NDUFA9: variants seen among roughly 807,000 people sequenced by gnomAD.
NDUFA9 encodes the protein NADH dehydrogenase [ubiquinone] 1 alpha subcomplex subunit 9, mitochondrial.
A neutral mutation model predicts 45.9 loss-of-function variants in NDUFA9; 23 were observed. That is an observed-to-expected ratio of 0.50 (90% CI 0.36 to 0.71). The LOEUF (loss-of-function observed/expected upper bound fraction) is 0.71. Among genes scored for constraint, NDUFA9 ranks in the 30% least tolerant of loss-of-function variants. The pLI is 0.00. For missense variants in NDUFA9, 466 were observed against 488.2 expected, an observed-to-expected ratio of 0.95 and a Z score of 0.43; for synonymous variants, 176 against 170.5, an observed-to-expected ratio of 1.03 and a Z score of -0.25.
rs184968750 is a variant in NDUFA9, at chr12:4,691,041, C to A, written c.*3933C>A. On this transcript the variant is annotated 3_prime_UTR_variant, in exon 11 of 11. Coordinates refer to ENST00000266544, the MANE Select transcript of NDUFA9 (RefSeq NM_005002.5). ...TTTAACCTTTACCTTGGAGGTGATG[C>A]AGAGCAGTTGAGTTCCATACAGATT... The A allele has an allele frequency of 6.6e-6, 1 of 152,294 alleles. No individual in the cohort carries two copies. The highest frequency in any genetic ancestry group is 1.9e-4 in the East Asian group (1 of 5,162). 9.4% of individuals were successfully genotyped at this position (152,294 alleles called of 1,614,324 possible).
intron 3 of NDUFA9, chr12:4,655,669 T>C (rs1028189835): frequency 4.6e-5 from 7 of 152,250 alleles, no homozygotes; most frequent in African/African-American, 1.7e-4. Context: ...CTTGGTTGTT[T>C]AGTATAGATT....
chr12:4,651,737 T>C (rs553522485), intron 1 of NDUFA9, among the ~76,000 whole-genome samples: 3 of 152,242 alleles, frequency 2.0e-5, no homozygotes, highest in Non-Finnish European at 4.4e-5. Flanking sequence ...TTATCCTATG[T>C]CCTCATTTCC....
intron 8 of NDUFA9, among the ~76,000 whole-genome samples, chr12:4,675,823 A>G (rs914387066): frequency 3.3e-5 from 5 of 152,252 alleles, no homozygotes; most frequent in Non-Finnish European, 7.3e-5. Flanking sequence ...GGCCAGCATC[A>G]TCCTAATACC....
chr12:4,666,338 T>A (rs976273333), intron 6 of NDUFA9, among the ~76,000 whole-genome samples: 2 of 152,236 alleles, frequency 1.3e-5, no homozygotes, highest in African/African-American at 4.8e-5. Flanking sequence ...TTTTAGTTTG[T>A]CTCTTCACTC....
intron 3 of NDUFA9, chr12:4,655,208 G>T (rs1168322715): frequency 4.5e-5 from 14 of 314,518 alleles, no homozygotes; most frequent in Non-Finnish European, 5.9e-6. Context: ...CTTGTAACTG[G>T]AAGTAGCCAT....
rs1302849148 is a variant in NDUFA9, at chr12:4,658,962, C to A, written c.411-74C>A. The A allele has an allele frequency of 7.8e-6, 11 of 1,417,908 alleles. No individual in the cohort carries two copies. The Admixed American group carries it at 2.0e-4, about 25-fold the overall frequency. 87.8% of individuals were successfully genotyped at this position (1,417,908 alleles called of 1,614,324 possible). A position where few individuals can be genotyped will look rare whatever the true frequency, so the allele number is the denominator to read the frequency against. ...GTGAATTTCAGTACTGTTATGAAAACCATCTTATCACGTAAAGCTTTGAGA... is the reference window on the plus strand; with the variant it reads ...GTGAATTTCAGTACTGTTATGAAAAACATCTTATCACGTAAAGCTTTGAGA... On this transcript the variant is annotated intron_variant, in intron 4 of 10. Coordinates refer to ENST00000266544, the MANE Select transcript of NDUFA9 (RefSeq NM_005002.5).
intron 1 of NDUFA9, among the ~76,000 whole-genome samples, chr12:4,653,848 T>G (rs1945773654): frequency 6.6e-6 from 1 of 152,178 alleles, no homozygotes; most frequent in Non-Finnish European, 1.5e-5. Flanking sequence ...GCTTATTCAT[T>G]CTACCTCTGC....
intron 1 of NDUFA9, among the ~76,000 whole-genome samples, chr12:4,649,816 G>A (rs1001277479): frequency 6.6e-6 from 1 of 152,120 alleles, no homozygotes; most frequent in Non-Finnish European, 1.5e-5. Flanking sequence ...GAAGAATGAA[G>A]GCTATGTTAG....
At chr12:4,671,074 T>G (rs145614939) in intron 8 of NDUFA9, among the ~76,000 whole-genome samples, 50 of 152,316 alleles carry the variant, frequency 3.3e-4, no homozygotes, top group African/African-American at 1.2e-3. Context: ...TAGATAGGTA[T>G]CTACACATTT....
Position 4,662,640 on chromosome 12 carries a change from G to A in NDUFA9, c.655+5G>A, listed in dbSNP as rs768333416. ...GATTCCTTAATTCTTTTGCAAGTAC[G>A]TATTCTTTCTTAATGGTAGAAGAGA... On this transcript the variant is annotated splice_donor_5th_base_variant and intron_variant, in intron 6 of 10. Transcript: ENST00000266544. 37 of 1,606,382 alleles carry A rather than the reference G, an allele frequency of 2.3e-5. No individual in the cohort carries two copies. The highest frequency in any genetic ancestry group is 1.2e-4 in the African/African-American group (9 of 74,754).
chr12:4,684,966 T>C (rs1945976161), intron 9 of NDUFA9: 1 of 595,420 alleles, frequency 1.7e-6, no homozygotes, highest in East Asian at 2.8e-5. Flanking sequence ...CTGGAGTTTT[T>C]CTGTTTGCTT....
rs143710385 is a variant in NDUFA9 at position 4,662,558 on chromosome 12, A to G, written c.578A>G (p.Asp193Gly). 1.9e-6 allele frequency: 3 copies of G among 1,613,792 alleles called. No homozygotes were observed. Among genetic ancestry groups the G allele is most frequent in the African/African-American group, 2.7e-5 (2 of 74,920 alleles). ...NKAVGEKVVR[D>G]AFPEAIIVKP... ...GCTGTTGGAGAGAAAGTAGTGAGAG[A>G]TGCATTTCCGGAAGCCATTATCGTA... The change falls in exon 6 of 11, where the codon GAT becomes GGT. Residue 193 changes from aspartate (D) to glycine (G), a missense_variant. Asp to Gly is a moderately conservative substitution (Grantham distance 94). Coordinates refer to ENST00000266544, the MANE Select transcript of NDUFA9 (RefSeq NM_005002.5).
intron 2 of NDUFA9, 84 bp downstream of exon 2, chr12:4,654,546 A>G: frequency 6.9e-7 from 1 of 1,455,932 alleles, no homozygotes; most frequent in Non-Finnish European, 9.4e-7. Context: ...GTTTCTCTTC[A>G]TTTTAACAGT....
In NDUFA9 at chr12:4,654,272, A is replaced by G. The variant is rs1234115850; in HGVS notation, c.50-20A>G. ...ATATTAATATTTGCCATGCTTGTATACTTTGGGGTTTTGTTTAAGGTTCTG... is the reference window on the plus strand; with the variant it reads ...ATATTAATATTTGCCATGCTTGTATGCTTTGGGGTTTTGTTTAAGGTTCTG... On this transcript the variant is annotated intron_variant, in intron 1 of 10. Transcript: ENST00000266544. 2 of 1,602,540 alleles carry G rather than the reference A, an allele frequency of 1.2e-6. No homozygotes were observed. The highest frequency in any genetic ancestry group is 1.7e-4 in the Middle Eastern group (1 of 6,024).
At chr12:4,666,406 T>C (rs1235872410) in intron 6 of NDUFA9, among the ~76,000 whole-genome samples, 1 of 152,256 alleles carries the variant, frequency 6.6e-6, no homozygotes, top group East Asian at 1.9e-4. Flanking sequence ...CAGGCTTATC[T>C]ATTTTTACTT....
At chr12:4,685,471 A>C in intron 10 of NDUFA9, 146 bp downstream of exon 10, 1 of 692,078 alleles carries the variant, frequency 1.4e-6, no homozygotes, top group African/African-American at 1.8e-5. Flanking sequence ...GCTGAAGCTC[A>C]TCCACCTGCC....
intron 9 of NDUFA9, among the ~76,000 whole-genome samples, chr12:4,682,721 C>T (rs527991864): frequency 2.0e-5 from 3 of 152,240 alleles, no homozygotes; most frequent in East Asian, 1.9e-4. Context: ...TTTGTGGTTG[C>T]CTTCTCTTCT....
intron 3 of NDUFA9, among the ~76,000 whole-genome samples, chr12:4,656,999 C>T (rs1176961577): frequency 6.6e-6 from 1 of 152,202 alleles, no homozygotes; most frequent in Non-Finnish European, 1.5e-5. Context: ...TCCTAGTTCT[C>T]TCTCTTTCTC....
intron 1 of NDUFA9, 148 bp from the exon 2 acceptor site, chr12:4,654,144 G>A (rs1945775531): frequency 1.5e-6 from 1 of 681,762 alleles, no homozygotes; most frequent in East Asian, 2.8e-5. Context: ...GTAGTAGTTT[G>A]TGTTTATTAT....
Sources: allele counts gnomAD v4.1 joint callset (sites outside exome capture counted in the v4.1 genomes callset), GRCh38; gene constraint gnomAD v4.1.1; transcripts MANE v1.5; gene names NCBI Gene and HGNC (gene_info 2026-07-23, HGNC 2026-07-21).